Variants in GRIA2 observed in about 807,000 individuals in gnomAD.
GRIA2 encodes glutamate ionotropic receptor AMPA type subunit 2.
A neutral mutation model predicts 97.3 loss-of-function variants in GRIA2; 14 were observed. The ratio of observed to expected loss-of-function variants is 0.14; its 90% CI spans 0.10 to 0.23. The LOEUF (loss-of-function observed/expected upper bound fraction) is 0.23. Ranked by LOEUF, GRIA2 falls within the 10% of genes least tolerant of loss-of-function variation. GRIA2 has a pLI of 1.00. For synonymous variants in GRIA2, 412 were observed against 387.8 expected (o/e 1.06, Z -0.73); for missense variants, 558 against 1,069.8 (o/e 0.52, Z 6.67).
intron 2 of GRIA2, among the ~76,000 whole-genome samples, chr4:157,222,605 T>C (rs1183210610): frequency 6.6e-6 from 1 of 152,152 alleles, no homozygotes; most frequent in Non-Finnish European, 1.5e-5. Flanking sequence ...GCGCGCTTTG[T>C]TCTCAGGTAG....
intron 2 of GRIA2, among the ~76,000 whole-genome samples, chr4:157,280,168 A>C (rs1732531521): frequency 6.6e-6 from 1 of 152,116 alleles, no homozygotes; most frequent in South Asian, 2.1e-4. Flanking sequence ...AAATAAGTAC[A>C]ATATTTGTCT....
chr4:157,227,179 T>C (rs1729787703), intron 2 of GRIA2, among the ~76,000 whole-genome samples: 1 of 152,182 alleles, frequency 6.6e-6, no homozygotes, highest in Non-Finnish European at 1.5e-5. Flanking sequence ...TTGAAAGTCT[T>C]GCAAACTTCA....
chr4:157,297,755 A>G (rs1254655038), intron 2 of GRIA2, among the ~76,000 whole-genome samples: 2 of 151,130 alleles, frequency 1.3e-5, no homozygotes, highest in Non-Finnish European at 1.5e-5. Flanking sequence ...AGATATTGTA[A>G]AACAGTGGCA....
intron 2 of GRIA2, among the ~76,000 whole-genome samples, chr4:157,233,782 G>A (rs1730124963): frequency 6.6e-6 from 1 of 152,074 alleles, no homozygotes; most frequent in Non-Finnish European, 1.5e-5. Context: ...ATAGCTTTAT[G>A]TATAATTTTT....
intron 2 of GRIA2, among the ~76,000 whole-genome samples, chr4:157,267,990 T>A (rs1386363815): frequency 6.6e-6 from 1 of 152,100 alleles, no homozygotes; most frequent in Non-Finnish European, 1.5e-5. Context: ...TATAATGCTA[T>A]AATTAGAGGA....
intron 2 of GRIA2, among the ~76,000 whole-genome samples, chr4:157,233,386 A>T (rs1730109286): frequency 6.6e-6 from 1 of 152,130 alleles, no homozygotes; most frequent in South Asian, 2.1e-4. Flanking sequence ...CATATTTAAG[A>T]TATCTCAATA....
chr4:157,345,961 T>C (rs1324133089), intron 12 of GRIA2, among the ~76,000 whole-genome samples: 1 of 152,186 alleles, frequency 6.6e-6, no homozygotes, highest in Non-Finnish European at 1.5e-5. Context: ...TTGCTCAGCA[T>C]TGTAGACTTT....
intron 2 of GRIA2, among the ~76,000 whole-genome samples, chr4:157,255,785 C>CA (rs1731214281): frequency 6.6e-6 from 1 of 151,610 alleles, no homozygotes; most frequent in African/African-American, 2.4e-5. Context: ...ACAACCGTAA[C>CA]AAAAACCAAA....
At chr4:157,338,561 C>T (rs1463630022) in intron 11 of GRIA2, among the ~76,000 whole-genome samples, 1 of 152,006 alleles carries the variant, frequency 6.6e-6, no homozygotes, top group African/African-American at 2.4e-5. Context: ...TTCATCAAGG[C>T]TGCATCTAAA....
At chr4:157,272,251 T>G (rs1732062235) in intron 2 of GRIA2, among the ~76,000 whole-genome samples, 1 of 152,040 alleles carries the variant, frequency 6.6e-6, no homozygotes, top group Admixed American at 6.6e-5. Flanking sequence ...GACTGGTCTG[T>G]AAGGACCTTA....
intron 10 of GRIA2, 59 bp downstream of exon 10, chr4:157,335,936 G>A: frequency 9.4e-7 from 1 of 1,069,078 alleles, no homozygotes; most frequent in Non-Finnish European, 1.4e-6. Context: ...TTGACAGACT[G>A]CTTCCTCTCC....
At chr4:157,345,862 A>G (rs1735742168) in intron 12 of GRIA2, among the ~76,000 whole-genome samples, 1 of 152,174 alleles carries the variant, frequency 6.6e-6, no homozygotes, top group African/African-American at 2.4e-5. Context: ...TTGCCAAAAT[A>G]AAGGTATTTG....
intron 12 of GRIA2, among the ~76,000 whole-genome samples, chr4:157,343,655 G>C (rs1297457896): frequency 1.3e-5 from 2 of 152,036 alleles, no homozygotes; most frequent in African/African-American, 4.8e-5. Context: ...TCCTTATCTA[G>C]AGAAAGAAGA....
At chr4:157,259,657 C>T (rs1403914277) in intron 2 of GRIA2, among the ~76,000 whole-genome samples, 1 of 152,020 alleles carries the variant, frequency 6.6e-6, no homozygotes, top group Non-Finnish European at 1.5e-5. Context: ...CTATATAATC[C>T]TCCTTCCTGT....
chr4:157,276,640 G>T (rs567877414), intron 2 of GRIA2, among the ~76,000 whole-genome samples: 4 of 151,476 alleles, frequency 2.6e-5, no homozygotes, highest in East Asian at 1.9e-4. Context: ...TCAGCTTCTA[G>T]ACAGGTTAAC....
chr4:157,255,319 AC>A (rs1336352061), intron 2 of GRIA2, among the ~76,000 whole-genome samples: 1 of 152,036 alleles, frequency 6.6e-6, no homozygotes, highest in African/African-American at 2.4e-5. Flanking sequence ...ATGGACATTT[AC>A]GTTTATTTCA....
At chr4:157,348,160 T>A (rs993498133) in intron 12 of GRIA2, among the ~76,000 whole-genome samples, 1 of 152,134 alleles carries the variant, frequency 6.6e-6, no homozygotes, top group Non-Finnish European at 1.5e-5. Context: ...ATATTTTGCA[T>A]TTCTAGCAGA....
intron 2 of GRIA2, among the ~76,000 whole-genome samples, chr4:157,285,296 C>T (rs190615310): frequency 4.0e-5 from 6 of 151,346 alleles, no homozygotes; most frequent in Admixed American, 4.0e-4. Flanking sequence ...TTTAGATAAC[C>T]ACAATTCTAA....
intron 2 of GRIA2, among the ~76,000 whole-genome samples, chr4:157,260,406 T>C (rs1233268563): frequency 6.6e-6 from 1 of 152,154 alleles, no homozygotes; most frequent in Non-Finnish European, 1.5e-5. Flanking sequence ...ATAGATATTT[T>C]ATGCTATTAT....
Sources: allele counts gnomAD v4.1 joint callset (sites outside exome capture counted in the v4.1 genomes callset), GRCh38; gene constraint gnomAD v4.1.1; transcripts MANE v1.5; gene names NCBI Gene and HGNC (gene_info 2026-07-23, HGNC 2026-07-21).